The following ETS1 variants were observed in gnomAD, a reference collection of about 807,000 sequenced individuals.
ETS1 encodes the protein ETS proto-oncogene 1, transcription factor.
Under a neutral mutation model 58.6 loss-of-function variants are expected in ETS1, and 15 were observed. The observed-to-expected ratio is 0.26, with a 90% confidence interval of 0.17 to 0.39. The LOEUF (loss-of-function observed/expected upper bound fraction) is 0.39, where lower values mean the gene tolerates loss of function less well. Among genes scored for constraint, ETS1 ranks in the 10% least tolerant of loss-of-function variants. The probability of loss-of-function intolerance (pLI) is 1.00; values close to 1 mark genes in which losing one functional copy is unlikely to be tolerated. For synonymous variants in ETS1, 214 were observed against 218.2 expected (o/e 0.98, Z 0.17); for missense variants, 417 against 610.5 (o/e 0.68, Z 3.34).
intron 2 of ETS1, chr11:128,572,332 T>A (rs972539591): frequency 2.7e-5 from 4 of 150,764 alleles, no homozygotes; most frequent in African/African-American, 4.9e-5. Context: ...AAAAAAAAAA[T>A]TCAACATTTA....
intron 3 of ETS1, chr11:128,529,992 G>C (rs948973192): frequency 6.6e-6 from 1 of 152,152 alleles, no homozygotes; most frequent in Non-Finnish European, 1.5e-5. Flanking sequence ...TCATAAATAT[G>C]CAGGAACATA....
At chr11:128,538,368 C>T (rs1315537096) in intron 3 of ETS1, among the ~76,000 whole-genome samples, 2 of 152,170 alleles carry the variant, frequency 1.3e-5, no homozygotes, top group Non-Finnish European at 2.9e-5. Flanking sequence ...TTTAGCATAA[C>T]TAGATTTTCA....
At chr11:128,470,366 C>T (rs1311988283) in intron 8 of ETS1, among the ~76,000 whole-genome samples, 1 of 152,092 alleles carries the variant, frequency 6.6e-6, no homozygotes. Flanking sequence ...GTTGAGGGTA[C>T]GAGGCTTTGA....
rs1163842421 is a variant in ETS1, at chr11:128,459,947, G to C, written c.*2414C>G. The C allele has an allele frequency of 2.0e-5, 3 of 152,260 alleles. No individual in the cohort carries two copies. The highest frequency in any genetic ancestry group is 7.2e-5 in the African/African-American group (3 of 41,416). 9.4% of individuals were successfully genotyped at this position (152,260 alleles called of 1,614,324 possible). ...GATTTGAGAAAGTGATTTTATGCCT[G>C]GTTGCAAACAGCAAGCAATAATTGA... On this transcript the variant is annotated 3_prime_UTR_variant, in exon 10 of 10. Coordinates refer to ENST00000392668, the MANE Select transcript of ETS1 (RefSeq NM_001143820.2).
intron 3 of ETS1, among the ~76,000 whole-genome samples, chr11:128,545,525 T>A (rs567510083): frequency 2.0e-5 from 3 of 152,336 alleles, no homozygotes; most frequent in South Asian, 4.1e-4. Flanking sequence ...AGTATCACCC[T>A]CACAGGAATA....
chr11:128,517,470 G>T (rs1465927672), intron 3 of ETS1, among the ~76,000 whole-genome samples: 1 of 152,250 alleles, frequency 6.6e-6, no homozygotes, highest in Non-Finnish European at 1.5e-5. Flanking sequence ...GAGTAAGTGT[G>T]AAGCATAAAA....
At chr11:128,534,916 G>T (rs1300301057) in intron 3 of ETS1, among the ~76,000 whole-genome samples, 1 of 152,152 alleles carries the variant, frequency 6.6e-6, no homozygotes, top group Non-Finnish European at 1.5e-5. Context: ...ATAATAGAAT[G>T]ACTTATATTT....
intron 3 of ETS1, among the ~76,000 whole-genome samples, chr11:128,521,099 C>T (rs77382805): frequency 0.016 from 2,465 of 151,446 alleles, 45 homozygotes; most frequent in African/African-American, 0.052. Flanking sequence ...GCCAGACTCT[C>T]TTAAGTTGCT....
chr11:128,542,374 G>C (rs1864069608), intron 3 of ETS1, among the ~76,000 whole-genome samples: 1 of 152,180 alleles, frequency 6.6e-6, no homozygotes, highest in Non-Finnish European at 1.5e-5. Context: ...AGAGAAGAGG[G>C]AGGAAGAGGA....
At chr11:128,477,096 C>T (rs1325239981) in intron 8 of ETS1, among the ~76,000 whole-genome samples, 1 of 152,210 alleles carries the variant, frequency 6.6e-6, no homozygotes, top group Non-Finnish European at 1.5e-5. Flanking sequence ...AAATGTATTC[C>T]TTTGGACGTG....
intron 1 of ETS1, among the ~76,000 whole-genome samples, chr11:128,585,089 AG>A (rs566093455): frequency 0.053 from 1,552 of 29,546 alleles, 243 homozygotes; most frequent in African/African-American, 0.073. Flanking sequence ...AAAGAAAGAA[AG>A]GAAAGAAAGA....
chr11:128,559,085 C>T (rs566307187), intron 2 of ETS1, among the ~76,000 whole-genome samples: 5 of 152,284 alleles, frequency 3.3e-5, no homozygotes, highest in South Asian at 2.1e-4. Context: ...AAAAGATCCT[C>T]GTAAAGTGGT....
intron 3 of ETS1, among the ~76,000 whole-genome samples, chr11:128,537,042 T>G (rs1460342776): frequency 2.0e-5 from 3 of 152,190 alleles, no homozygotes; most frequent in East Asian, 3.9e-4. Flanking sequence ...CCTCACTGTA[T>G]GCAGTATCTG....
intron 3 of ETS1, among the ~76,000 whole-genome samples, chr11:128,514,068 C>T (rs150875208): frequency 1.4e-3 from 213 of 152,192 alleles, no homozygotes; most frequent in African/African-American, 5.0e-3. Flanking sequence ...TTCAAAAAAC[C>T]CGTATCTACA....
chr11:128,522,296 T>G, intron 3 of ETS1: 18 of 1,077,928 alleles, frequency 1.7e-5, no homozygotes, highest in East Asian at 6.6e-5. Flanking sequence ...GGCTGCCTCG[T>G]TCGCTCTCGA....
In ETS1 at chr11:128,555,510, T is replaced by A. The variant is rs114214517; in HGVS notation, c.214+781A>T. ...ACAGATTTTGACTAGCTATTTGGTA[T>A]TCAAATATGTTATCATAACATGGTC... On this transcript the variant is annotated intron_variant, in intron 3 of 9. Coordinates refer to ENST00000392668, the MANE Select transcript of ETS1 (RefSeq NM_001143820.2). Among the ~76,000 whole-genome samples the A allele has an allele frequency of 4.8e-3, 734 of 152,304 alleles. 3 individuals are homozygous for A. The highest frequency in any genetic ancestry group is 0.017 in the African/African-American group (718 of 41,548).
intron 3 of ETS1, among the ~76,000 whole-genome samples, chr11:128,533,977 T>C (rs1863936970): frequency 6.6e-6 from 1 of 152,230 alleles, no homozygotes; most frequent in African/African-American, 2.4e-5. Flanking sequence ...TCTAAGATGG[T>C]ACATTCAGGC....
At chr11:128,565,755 G>A (rs962070257) in intron 2 of ETS1, among the ~76,000 whole-genome samples, 1 of 152,158 alleles carries the variant, frequency 6.6e-6, no homozygotes, top group Non-Finnish European at 1.5e-5. Context: ...TCCCACTTTG[G>A]TTTTAAATTT....
intron 8 of ETS1, among the ~76,000 whole-genome samples, chr11:128,478,328 A>AAGGAAGGAAGG (rs142714456): frequency 1.5e-5 from 1 of 67,964 alleles, no homozygotes; most frequent in Non-Finnish European, 3.0e-5. Flanking sequence ...GGAAAGAAGG[A>AAGGAAGGAAGG]AGGAAGGAAG....
Sources: gnomAD v4.1 joint callset for allele counts (sites outside exome capture counted in the v4.1 genomes callset) on GRCh38, gnomAD v4.1.1 for gene constraint, MANE v1.5 for transcripts, NCBI Gene and HGNC (gene_info 2026-07-23, HGNC 2026-07-21) for gene names.